The following GPLD1 variants were observed in gnomAD, a reference collection of about 807,000 sequenced individuals.
GPLD1 encodes the protein glycosylphosphatidylinositol specific phospholipase D1.
A neutral mutation model predicts 112.6 loss-of-function variants in GPLD1; 84 were observed. The observed-to-expected ratio is 0.75, with a 90% CI of 0.63 to 0.89. The LOEUF is 0.89. GPLD1 is among the 40% of genes least tolerant of loss of function. The pLI, the probability that GPLD1 is intolerant of heterozygous loss-of-function variation, is 0.00. For missense variants in GPLD1, 1,044 were observed against 1,051.5 expected (o/e 0.99, Z 0.10); for synonymous variants, 386 against 403.8 (o/e 0.96, Z 0.53).
intron 5 of GPLD1, among the ~76,000 whole-genome samples, chr6:24,474,239 T>C (rs1763934695): frequency 6.6e-6 from 1 of 151,880 alleles, no homozygotes; most frequent in South Asian, 2.1e-4. Flanking sequence ...TACATATGTC[T>C]GGCAATAAAG....
At chr6:24,494,981 C>T (rs755481351) in exon 1 of GPLD1, 2 of 1,311,460 alleles carry the variant, frequency 1.5e-6, no homozygotes, top group South Asian at 2.7e-5. Context: ...TTCCTGTCGC[C>T]GTCGTTGCCC....
chr6:24,493,995 CAG>C (rs1488142011), upstream of GPLD1, among the ~76,000 whole-genome samples: 3 of 152,238 alleles, frequency 2.0e-5, no homozygotes, highest in Admixed American at 2.0e-4. Context: ...CTGCTGCTTT[CAG>C]AGTCTTAAGC....
chr6:24,487,919 GA>G (rs1764429905), intron 1 of GPLD1, among the ~76,000 whole-genome samples: 1 of 152,290 alleles, frequency 6.6e-6, no homozygotes, highest in African/African-American at 2.4e-5. Context: ...TAAAAGAAGA[GA>G]ACTGGACTCG....
At chr6:24,467,014 G>T in intron 8 of GPLD1, 75 bp from the exon 9 acceptor site, 1 of 1,329,768 alleles carries the variant, frequency 7.5e-7, no homozygotes, top group South Asian at 1.2e-5. Context: ...TGAAGAAAAA[G>T]TTCCATCCAC....
intron 20 of GPLD1, among the ~76,000 whole-genome samples, chr6:24,439,117 C>T (rs988589997): frequency 2.0e-5 from 3 of 152,168 alleles, no homozygotes; most frequent in Non-Finnish European, 4.4e-5. Flanking sequence ...CTAAAGGAAC[C>T]ATGAGCTCCC....
rs1359876886 is a variant in GPLD1 at position 24,466,692 on chromosome 6, T to G, written c.809A>C (p.Glu270Ala). The G allele has an allele frequency of 6.8e-6, 11 of 1,612,694 alleles. No individual in the cohort carries two copies. The highest frequency in any genetic ancestry group is 9.3e-6 in the Non-Finnish European group (11 of 1,178,886). Residue 270 changes from glutamate (E) to alanine (A), a missense_variant, in exon 10 of 25, where the codon GAG (glutamate) becomes GCG (alanine). Physicochemically the swap from Glu to Ala is moderately radical, Grantham distance 107 (BLOSUM62 -1). Coordinates refer to ENST00000230036, the MANE Select transcript of GPLD1 (RefSeq NM_001503.4). ...NIYHLTSFML[E>A]NGTSDCNLPE... ...AATATGAATTCACCTGGTCCCATTC[T>G]CCAACATGAAGCTTGTTAGATGGTA...
rs779864969 is a variant in GPLD1 at position 24,476,373 on chromosome 6, TCTC to T, written c.233-98_233-96del. The T allele has an allele frequency of 1.2e-3, 801 of 668,836 alleles. 5 individuals carry two copies. The highest frequency in any genetic ancestry group is 8.2e-3 in the Middle Eastern group (33 of 4,022). The allele number at this position is 668,836 out of a possible 1,614,324, so 41.4% of individuals were successfully genotyped here. ...CCACCCGCTGCGCTGCTGTGTCCCT[TCTC>T]CTCCTTCCCTCCATGCCCCTCAGTT... On this transcript the variant is annotated intron_variant, in intron 3 of 24. Transcript: ENST00000230036.
At chr6:24,447,362 C>T (rs34089102) in intron 17 of GPLD1, among the ~76,000 whole-genome samples, 36,790 of 151,840 alleles carry the variant, frequency 0.24, 4,718 homozygotes, top group Non-Finnish European at 0.26. Context: ...AAAAATTAGC[C>T]GGGCATGGTG....
At chr6:24,489,874 T>C (rs1167235255), upstream of GPLD1, among the ~76,000 whole-genome samples, 1 of 152,182 alleles carries the variant, frequency 6.6e-6, no homozygotes, top group African/African-American at 2.4e-5. Context: ...CAGATATTTT[T>C]TGCTTTCTAT....
At position 24,427,619 on chromosome 6, in the gene GPLD1, G is replaced by T. The variant is rs1376907136; in HGVS notation, c.*1413C>A. 1.3e-5 allele frequency among the ~76,000 whole-genome samples: 2 copies of T among 152,070 alleles called. No individual in the cohort carries two copies. Among genetic ancestry groups the T allele is most frequent in the Non-Finnish European group, 2.9e-5 (2 of 68,004 alleles). On this transcript the variant is annotated 3_prime_UTR_variant, in exon 25 of 25. Coordinates refer to ENST00000230036, the MANE Select transcript of GPLD1 (RefSeq NM_001503.4). Reference sequence around the variant, plus strand: ...CCAGCACTTTGGGAGGTCAAGGTGGGTGGATCACCTGAGATCAGGAGTTCG... The same window carrying T: ...CCAGCACTTTGGGAGGTCAAGGTGGTTGGATCACCTGAGATCAGGAGTTCG...
chr6:24,449,816 C>G lies in GPLD1; in HGVS notation c.1419G>C (p.Ser473=), dbSNP rs759179113. The change falls in exon 15 of 25, where the codon TCG becomes TCC. Residue 473 remains serine, a synonymous_variant. Coordinates refer to ENST00000230036, the MANE Select transcript of GPLD1 (RefSeq NM_001503.4). ...TGTAGGTGAGCTGCTCGGAGCCCAC[C>G]GAGGGAGCTCCCACGGCCAGGTCAG... The part of the protein sequence containing the change: ...GVPDLAVGAP[S]VGSEQLTYKG... 2 of 1,613,150 alleles carry G rather than the reference C, an allele frequency of 1.2e-6. No individual in the cohort carries two copies. Among genetic ancestry groups the G allele is most frequent in the Non-Finnish European group, 1.7e-6 (2 of 1,179,286 alleles).
intron 20 of GPLD1, among the ~76,000 whole-genome samples, chr6:24,442,780 T>A (rs1389905479): frequency 6.6e-6 from 1 of 151,970 alleles, no homozygotes; most frequent in Non-Finnish European, 1.5e-5. Context: ...AGGGTCTCAC[T>A]GTGTTGCCCA....
intron 20 of GPLD1, among the ~76,000 whole-genome samples, chr6:24,440,663 G>T (rs1418599379): frequency 6.8e-6 from 1 of 147,970 alleles, no homozygotes; most frequent in Non-Finnish European, 1.5e-5. Context: ...TGAGATGGGA[G>T]GATCACTTGA....
intron 4 of GPLD1, among the ~76,000 whole-genome samples, chr6:24,475,485 A>C (rs560098207): frequency 6.6e-6 from 1 of 150,630 alleles, no homozygotes; most frequent in South Asian, 2.1e-4. Context: ...GGTTGCAGTG[A>C]GCTGAAATTG....
intron 22 of GPLD1, among the ~76,000 whole-genome samples, chr6:24,435,649 C>A (rs1458572448): frequency 6.7e-6 from 1 of 149,304 alleles, no homozygotes; most frequent in Non-Finnish European, 1.5e-5. Context: ...CATGGTGAAA[C>A]CCTGTCTCTA....
At chr6:24,457,790 T>C (rs1255367946) in intron 12 of GPLD1, among the ~76,000 whole-genome samples, 1 of 151,782 alleles carries the variant, frequency 6.6e-6, no homozygotes, top group Non-Finnish European at 1.5e-5. Context: ...GGAAAATCGC[T>C]TGAACCTGGG....
chr6:24,453,970 G>A (rs775047913), intron 14 of GPLD1, 45 bp downstream of exon 14: 7 of 1,244,994 alleles, frequency 5.6e-6, no homozygotes, highest in Non-Finnish European at 6.9e-6. Flanking sequence ...AAATGCAAGA[G>A]TAGCTACTAA....
In GPLD1 at chr6:24,494,947, G is replaced by A. The variant is rs775343673; in HGVS notation, n.239+20C>T. The A allele has an allele frequency of 1.2e-5, 16 of 1,280,036 alleles. No homozygotes were observed. The South Asian group carries it at 4.0e-4, about 32-fold the overall frequency. 79.3% of individuals were successfully genotyped at this position (1,280,036 alleles called of 1,614,324 possible). A position where few individuals can be genotyped will look rare whatever the true frequency, so the allele number is the denominator to read the frequency against. ...GCTTCCCCGCGACCCCTGCGTTCCC[G>A]TGCGCGCGCGCCCGCTTGCCTGTTT... On this transcript the variant is annotated intron_variant and non_coding_transcript_variant, in intron 1 of 10. Coordinates refer to the GPLD1 transcript ENST00000474784.
chr6:24,463,137 C>T (rs941593493), intron 10 of GPLD1, among the ~76,000 whole-genome samples: 4 of 152,094 alleles, frequency 2.6e-5, no homozygotes, highest in Admixed American at 6.6e-5. Flanking sequence ...CACCTTCTGC[C>T]CAATTATACA....
Sources: gnomAD v4.1 joint callset for allele counts (sites outside exome capture counted in the v4.1 genomes callset) on GRCh38, gnomAD v4.1.1 for gene constraint, MANE v1.5 for transcripts, NCBI Gene and HGNC (gene_info 2026-07-23, HGNC 2026-07-21) for gene names.